The following M1AP variants were observed in gnomAD, a reference collection of about 807,000 sequenced individuals.
M1AP encodes the protein meiosis 1 associated protein.
M1AP carries 39 observed loss-of-function variants against 51.2 expected under a neutral mutation model. The observed-to-expected ratio is 0.76, with a 90% CI of 0.59 to 1.00. The LOEUF is 1.00. Ranked by LOEUF, M1AP falls within the 50% of genes least tolerant of loss-of-function variation. M1AP has a pLI of 0.00. For missense variants in M1AP, 545 were observed against 641.2 expected, an observed-to-expected ratio of 0.85 and a Z score of 1.62; for synonymous variants, 251 against 249.2, an observed-to-expected ratio of 1.01 and a Z score of -0.07.
chr2:74,608,793 T>C (rs1474256691), intron 3 of M1AP, among the ~76,000 whole-genome samples: 1 of 152,246 alleles, frequency 6.6e-6, no homozygotes, highest in East Asian at 1.9e-4. Flanking sequence ...AGGTATGTGG[T>C]GGTATTTCAT....
chr2:74,602,114 T>A (rs928030710), intron 4 of M1AP, among the ~76,000 whole-genome samples: 1 of 152,200 alleles, frequency 6.6e-6, no homozygotes, highest in Admixed American at 6.5e-5. Context: ...ATTCATGAGT[T>A]ATCGAGGGAA....
intron 4 of M1AP, among the ~76,000 whole-genome samples, chr2:74,584,076 G>T (rs1679565197): frequency 2.6e-5 from 4 of 151,864 alleles, no homozygotes; most frequent in Admixed American, 2.6e-4. Context: ...TATGTTTTAG[G>T]GTACTACTGT....
Position 74,560,156 on chromosome 2 carries a change from T to C in M1AP, c.1417A>G (p.Arg473Gly), listed in dbSNP as rs1459139770. The C allele has an allele frequency of 6.2e-7, 1 of 1,613,646 alleles. No homozygotes were observed. The highest frequency in any genetic ancestry group is 8.5e-7 in the Non-Finnish European group (1 of 1,179,918). Residue 473 changes from arginine (R) to glycine (G), a missense_variant, in exon 9 of 11, where the codon AGA (arginine) becomes GGA (glycine). Coordinates refer to ENST00000421985, the MANE Select transcript of M1AP (RefSeq NM_001321739.2). ...GGGAAGGAGGGGAGCGGTACCTTTC[T>C]CGGAGCTCGGCTCTCCCAGTGTGGG... ...LHPHWESRAPRKHPCKTGQLQ... is the reference protein window; with the variant it reads ...LHPHWESRAPGKHPCKTGQLQ...
At chr2:74,575,153 A>G (rs1187077430) in intron 7 of M1AP, 4 of 276,104 alleles carry the variant, frequency 1.4e-5, no homozygotes, top group African/African-American at 2.3e-5. Context: ...GTTTTAAAAT[A>G]CAGGTACGTA....
chr2:74,631,284 A>G (rs957107829), intron 2 of M1AP, among the ~76,000 whole-genome samples: 8 of 152,072 alleles, frequency 5.3e-5, no homozygotes, highest in African/African-American at 1.7e-4. Context: ...TTGTCTTGTC[A>G]TGATTAGGAA....
chr2:74,593,218 C>A (rs925797621), intron 4 of M1AP, among the ~76,000 whole-genome samples: 14 of 151,922 alleles, frequency 9.2e-5, no homozygotes, highest in Admixed American at 6.5e-4. Flanking sequence ...TGATGGAGAA[C>A]GTGAGCTTAT....
chr2:74,562,568 C>A (rs904023429), intron 7 of M1AP, 145 bp from the exon 8 acceptor site: 5 of 734,810 alleles, frequency 6.8e-6, no homozygotes, highest in Non-Finnish European at 1.1e-5. Context: ...GGAGGGACTT[C>A]CTGCATGAAT....
chr2:74,599,728 A>C (rs911787708), intron 4 of M1AP, among the ~76,000 whole-genome samples: 7 of 152,176 alleles, frequency 4.6e-5, no homozygotes, highest in Non-Finnish European at 8.8e-5. Flanking sequence ...AAAATATAGA[A>C]TACATATATT....
chr2:74,598,381 C>CAATAAATA (rs112411965), intron 4 of M1AP, among the ~76,000 whole-genome samples: 6,986 of 149,232 alleles, frequency 0.047, 444 homozygotes, highest in African/African-American at 0.14. Context: ...GACTCCATGT[C>CAATAAATA]AATAAATAAA....
chr2:74,565,864 C>CA (rs1328167557), intron 7 of M1AP, among the ~76,000 whole-genome samples: 2 of 148,886 alleles, frequency 1.3e-5, no homozygotes, highest in Non-Finnish European at 3.0e-5. Context: ...CACACACACA[C>CA]ACAAACATTT....
intron 4 of M1AP, among the ~76,000 whole-genome samples, chr2:74,584,741 TAAG>T (rs1424169349): frequency 6.7e-6 from 1 of 149,612 alleles, no homozygotes; most frequent in Non-Finnish European, 1.5e-5. Flanking sequence ...AAAGTTACCC[TAAG>T]AAGGCAGAAT....
At chr2:74,576,208 A>G (rs1679054765) in intron 6 of M1AP, among the ~76,000 whole-genome samples, 1 of 152,322 alleles carries the variant, frequency 6.6e-6, no homozygotes, top group Admixed American at 6.5e-5. Context: ...AATGAGTCAA[A>G]AGAAAAACAA....
At chr2:74,587,722 T>C (rs762265771) in intron 4 of M1AP, among the ~76,000 whole-genome samples, 6 of 152,136 alleles carry the variant, frequency 3.9e-5, no homozygotes, top group Non-Finnish European at 8.8e-5. Context: ...GTCACACCAA[T>C]GGCATGAAAT....
intron 1 of M1AP, among the ~76,000 whole-genome samples, chr2:74,642,292 A>G (rs1221077954): frequency 6.6e-6 from 1 of 152,132 alleles, no homozygotes; most frequent in Non-Finnish European, 1.5e-5. Flanking sequence ...AAACAGCATG[A>G]CCAAGTTGAG....
At chr2:74,617,152 T>G (rs1681714901) in intron 2 of M1AP, among the ~76,000 whole-genome samples, 1 of 152,236 alleles carries the variant, frequency 6.6e-6, no homozygotes, top group Admixed American at 6.5e-5. Context: ...TTCATTCTAT[T>G]ACATTTTATA....
chr2:74,579,580 T>C (rs1206833915), intron 5 of M1AP, among the ~76,000 whole-genome samples: 1 of 152,054 alleles, frequency 6.6e-6, no homozygotes, highest in Non-Finnish European at 1.5e-5. Context: ...ATATGGAAAA[T>C]GGGGGTAATA....
At chr2:74,570,783 A>G (rs910528511) in intron 7 of M1AP, among the ~76,000 whole-genome samples, 6 of 152,224 alleles carry the variant, frequency 3.9e-5, no homozygotes, top group African/African-American at 7.2e-5. Flanking sequence ...TATTAGGCTA[A>G]GGAATATGGA....
chr2:74,569,083 G>A (rs1350340019), intron 7 of M1AP, among the ~76,000 whole-genome samples: 1 of 152,186 alleles, frequency 6.6e-6, no homozygotes, highest in Non-Finnish European at 1.5e-5. Context: ...AGGTATTGGG[G>A]TTAGGTGACA....
intron 4 of M1AP, among the ~76,000 whole-genome samples, chr2:74,591,661 G>T (rs1680043433): frequency 6.6e-6 from 1 of 152,150 alleles, no homozygotes; most frequent in Admixed American, 6.6e-5. Flanking sequence ...GGAACTGAAA[G>T]AAAGAGCTGC....
Sources: allele counts gnomAD v4.1 joint callset (sites outside exome capture counted in the v4.1 genomes callset), GRCh38; gene constraint gnomAD v4.1.1; transcripts MANE v1.5; gene names NCBI Gene and HGNC (gene_info 2026-07-23, HGNC 2026-07-21).